The following LRMDA variants were observed in gnomAD, a reference collection of about 807,000 sequenced individuals.
LRMDA encodes the protein leucine-rich melanocyte differentiation-associated protein.
Under a neutral mutation model 29.8 loss-of-function variants are expected in LRMDA, and 18 were observed. The ratio of observed to expected loss-of-function variants is 0.60; its 90% confidence interval spans 0.42 to 0.90. The LOEUF is 0.90. Ranked by LOEUF, LRMDA falls within the 40% of genes least tolerant of loss-of-function variation. LRMDA has a pLI of 0.00. For missense variants in LRMDA, 273 were observed against 273.9 expected (o/e 1.00, Z 0.02); for synonymous variants, 125 against 109.4 (o/e 1.14, Z -0.89).
intron 5 of LRMDA, among the ~76,000 whole-genome samples, chr10:76,259,853 C>T (rs1839911048): frequency 6.6e-6 from 1 of 151,970 alleles, no homozygotes; most frequent in Non-Finnish European, 1.5e-5. Context: ...CTTTTTAGAA[C>T]TTTTTACCTG....
intron 2 of LRMDA, among the ~76,000 whole-genome samples, chr10:75,533,774 A>G (rs1181185412): frequency 2.0e-5 from 3 of 152,100 alleles, no homozygotes; most frequent in Admixed American, 6.6e-5. Flanking sequence ...CACTCAGAGG[A>G]TGAGAGGAGA....
intron 2 of LRMDA, among the ~76,000 whole-genome samples, chr10:75,472,473 G>A (rs1458128886): frequency 2.0e-5 from 3 of 152,240 alleles, no homozygotes; most frequent in Non-Finnish European, 4.4e-5. Flanking sequence ...GAGGAAATGA[G>A]TGTCATGTAA....
At position 76,299,890 on chromosome 10, in the gene LRMDA, C is replaced by T. The variant is rs766177847; in HGVS notation, c.517-24511C>T. ...TGTAGGATTAAGATTCAGATAAAAT[C>T]GGACAATTTGCTCAGCTTTCTGCTT... On this transcript the variant is annotated intron_variant, in intron 5 of 6. Transcript: ENST00000611255. Among the ~76,000 whole-genome samples, 11 of 152,222 alleles carry T rather than the reference C, an allele frequency of 7.2e-5. 1 individual carries two copies. Among genetic ancestry groups the T allele is most frequent in the African/African-American group, 2.2e-4 (9 of 41,546 alleles).
intron 2 of LRMDA, among the ~76,000 whole-genome samples, chr10:75,694,741 C>T (rs185145194): frequency 2.0e-5 from 3 of 152,184 alleles, no homozygotes; most frequent in East Asian, 1.9e-4. Context: ...TCTGAAATAT[C>T]GGCTGTATAT....
intron 5 of LRMDA, among the ~76,000 whole-genome samples, chr10:76,168,378 G>A (rs1185688774): frequency 6.6e-6 from 1 of 152,152 alleles, no homozygotes; most frequent in Non-Finnish European, 1.5e-5. Flanking sequence ...TGTGTTGGGA[G>A]AGAAAAAAAC....
At chr10:75,714,403 C>T (rs1211066331) in intron 2 of LRMDA, among the ~76,000 whole-genome samples, 1 of 152,194 alleles carries the variant, frequency 6.6e-6, no homozygotes, top group East Asian at 1.9e-4. Flanking sequence ...GATATGAGTT[C>T]AGAGCTGGCT....
chr10:75,872,013 C>A (rs1179055805), intron 2 of LRMDA, among the ~76,000 whole-genome samples: 1 of 152,184 alleles, frequency 6.6e-6, no homozygotes, highest in Admixed American at 6.5e-5. Flanking sequence ...CATTCCTCCT[C>A]CTCATTGCTT....
intron 6 of LRMDA, among the ~76,000 whole-genome samples, chr10:76,332,725 A>G (rs1840919707): frequency 6.6e-6 from 1 of 152,220 alleles, no homozygotes; most frequent in African/African-American, 2.4e-5. Context: ...TTATAAAGAA[A>G]AAAGTATGAT....
intron 5 of LRMDA, among the ~76,000 whole-genome samples, chr10:76,078,812 G>GC (rs1740041162): frequency 6.6e-6 from 1 of 152,188 alleles, no homozygotes; most frequent in South Asian, 2.1e-4. Flanking sequence ...TCCAGCCTGG[G>GC]CGACAGAGCG....
At chr10:76,452,675 A>G (rs978627894) in intron 6 of LRMDA, among the ~76,000 whole-genome samples, 2 of 152,130 alleles carry the variant, frequency 1.3e-5, no homozygotes, top group African/African-American at 4.8e-5. Context: ...TGGGGTAAGG[A>G]GTTTGGATTT....
At chr10:75,948,695 T>A (rs530455797) in intron 2 of LRMDA, among the ~76,000 whole-genome samples, 1 of 152,294 alleles carries the variant, frequency 6.6e-6, no homozygotes, top group African/African-American at 2.4e-5. Flanking sequence ...CTCTTCTATG[T>A]GAGACCAGCT....
At chr10:75,840,992 A>G (rs1252209820) in intron 2 of LRMDA, among the ~76,000 whole-genome samples, 1 of 152,156 alleles carries the variant, frequency 6.6e-6, no homozygotes, top group Admixed American at 6.5e-5. Context: ...TGTCATAGAG[A>G]CCCATCTGAG....
intron 6 of LRMDA, among the ~76,000 whole-genome samples, chr10:76,524,447 T>C (rs1843153791): frequency 6.6e-6 from 1 of 152,250 alleles, no homozygotes; most frequent in Non-Finnish European, 1.5e-5. Context: ...GGAACAACTT[T>C]AATGGTTATT....
chr10:75,580,848 G>C (rs1307232905), intron 2 of LRMDA, among the ~76,000 whole-genome samples: 1 of 152,162 alleles, frequency 6.6e-6, no homozygotes, highest in Non-Finnish European at 1.5e-5. Flanking sequence ...AATGGTGCTG[G>C]GAAAACTGGC....
chr10:75,877,847 C>G, intron 2 of LRMDA, among the ~76,000 whole-genome samples: 1 of 152,160 alleles, frequency 6.6e-6, no homozygotes, highest in South Asian at 2.1e-4. Flanking sequence ...TGTTTTCTCA[C>G]TCTATCCTTA....
intron 2 of LRMDA, among the ~76,000 whole-genome samples, chr10:75,560,163 G>T (rs1264124611): frequency 4.0e-5 from 6 of 151,806 alleles, no homozygotes; most frequent in African/African-American, 1.2e-4. Flanking sequence ...TCCTACCCAT[G>T]AGCATGGAAT....
intron 4 of LRMDA, 78 bp from the exon 5 acceptor site, chr10:76,058,588 T>A (rs895079871): frequency 8.4e-7 from 1 of 1,197,192 alleles, no homozygotes; most frequent in Admixed American, 1.7e-5. Flanking sequence ...TGTGGATTCT[T>A]GAAGATCAGA....
chr10:75,907,066 G>T (rs949320971), intron 2 of LRMDA, among the ~76,000 whole-genome samples: 2 of 152,182 alleles, frequency 1.3e-5, no homozygotes, highest in Non-Finnish European at 2.9e-5. Flanking sequence ...TTGGACGTAG[G>T]AGTTTCTAAT....
intron 5 of LRMDA, among the ~76,000 whole-genome samples, chr10:76,282,289 T>C (rs565383177): frequency 6.6e-6 from 1 of 152,338 alleles, no homozygotes; most frequent in South Asian, 2.1e-4. Context: ...ACTTAATTAA[T>C]TGGCCGTTTC....
Sources: gnomAD v4.1 joint callset for allele counts (sites outside exome capture counted in the v4.1 genomes callset) on GRCh38, gnomAD v4.1.1 for gene constraint, MANE v1.5 for transcripts, NCBI Gene and HGNC (gene_info 2026-07-23, HGNC 2026-07-21) for gene names.